AIG1: variants seen among roughly 807,000 people sequenced by gnomAD.
The protein encoded by AIG1 is androgen-induced gene 1 protein.
A neutral mutation model predicts 31.4 loss-of-function variants in AIG1; 23 were observed. That is an observed-to-expected ratio of 0.73 (90% CI 0.53 to 1.04). AIG1 has a LOEUF of 1.04. Among genes scored for constraint, AIG1 ranks in the 50% least tolerant of loss-of-function variants. The probability of loss-of-function intolerance (pLI) is 0.00; values close to 1 mark genes in which losing one functional copy is unlikely to be tolerated. For synonymous variants in AIG1, 100 were observed against 110.5 expected, an observed-to-expected ratio of 0.90 and a Z score of 0.60; for missense variants, 274 against 295.0, an observed-to-expected ratio of 0.93 and a Z score of 0.52.
At chr6:143,222,038 G>C (rs1425058914) in intron 3 of AIG1, among the ~76,000 whole-genome samples, 1 of 152,178 alleles carries the variant, frequency 6.6e-6, no homozygotes, top group Non-Finnish European at 1.5e-5. Context: ...GCAGTTCCTC[G>C]ACTCCTGAGA....
At chr6:143,071,151 G>C (rs1051649904) in intron 1 of AIG1, among the ~76,000 whole-genome samples, 1 of 152,020 alleles carries the variant, frequency 6.6e-6, no homozygotes, top group Non-Finnish European at 1.5e-5. Context: ...TATGATTTTT[G>C]TCATTTCAAG....
intron 1 of AIG1, among the ~76,000 whole-genome samples, chr6:143,126,785 A>G (rs1172883412): frequency 6.6e-6 from 1 of 152,176 alleles, no homozygotes; most frequent in Non-Finnish European, 1.5e-5. Context: ...TGAATGTGCT[A>G]CTTTCATTTC....
At chr6:143,169,621 C>A (rs1001055760) in intron 3 of AIG1, among the ~76,000 whole-genome samples, 4 of 152,082 alleles carry the variant, frequency 2.6e-5, no homozygotes, top group Non-Finnish European at 2.9e-5. Context: ...CCTTCCCAAC[C>A]TCTAATAACC....
intron 1 of AIG1, among the ~76,000 whole-genome samples, chr6:143,073,170 T>C (rs899229716): frequency 6.6e-6 from 1 of 152,240 alleles, no homozygotes. Context: ...CTTAGCATCA[T>C]GTCCTCTAGG....
At chr6:143,219,643 T>G (rs918326272) in intron 3 of AIG1, among the ~76,000 whole-genome samples, 4 of 152,168 alleles carry the variant, frequency 2.6e-5, no homozygotes, top group Non-Finnish European at 5.9e-5. Context: ...AATCCCACCC[T>G]CTTAACTCTC....
chr6:143,294,462 G>T (rs559628761), intron 4 of AIG1, among the ~76,000 whole-genome samples: 6 of 152,288 alleles, frequency 3.9e-5, no homozygotes, highest in African/African-American at 1.2e-4. Flanking sequence ...TATGAACTGG[G>T]CCAAGTCACT....
intron 3 of AIG1, chr6:143,190,381 C>T (rs769821814): frequency 1.8e-4 from 178 of 985,196 alleles, no homozygotes; most frequent in Non-Finnish European, 2.1e-4. Context: ...CAGTGCTCAG[C>T]ACTGGCTTTC....
chr6:143,059,285 G>A (rs117443619), upstream of AIG1, among the ~76,000 whole-genome samples: 176 of 152,162 alleles, frequency 1.2e-3, no homozygotes, highest in Non-Finnish European at 1.9e-3. Flanking sequence ...CCTTGCTATC[G>A]CTCACTCTGG....
chr6:143,190,457 G>A, intron 3 of AIG1: 3 of 985,382 alleles, frequency 3.0e-6, no homozygotes, highest in South Asian at 4.7e-5. Context: ...GAAGTAGGGA[G>A]CTTATCATTA....
chr6:143,159,653 G>A (rs1197982366), intron 2 of AIG1, among the ~76,000 whole-genome samples: 1 of 152,196 alleles, frequency 6.6e-6, no homozygotes, highest in East Asian at 1.9e-4. Context: ...ATTTTAGAGA[G>A]CCCTAAGCTT....
At chr6:143,265,773 A>G (rs1360969843) in intron 3 of AIG1, among the ~76,000 whole-genome samples, 2 of 152,174 alleles carry the variant, frequency 1.3e-5, no homozygotes, top group Non-Finnish European at 2.9e-5. Context: ...AAGTGACAAA[A>G]AGTAACCTGG....
chr6:143,310,515 A>G (rs571005590), intron 4 of AIG1, among the ~76,000 whole-genome samples: 46 of 151,942 alleles, frequency 3.0e-4, no homozygotes, highest in African/African-American at 9.4e-4. Context: ...GGTTAATTTA[A>G]CATTAAATGC....
chr6:143,238,066 G>A (rs566544718), intron 3 of AIG1, among the ~76,000 whole-genome samples: 1 of 152,150 alleles, frequency 6.6e-6, no homozygotes, highest in Non-Finnish European at 1.5e-5. Context: ...TCAGCCTCCC[G>A]AGTAACTGGG....
chr6:143,293,217 G>A lies in AIG1; in HGVS notation c.515+8992G>A, dbSNP rs571593342. On this transcript the variant is annotated intron_variant, in intron 4 of 5. Transcript: ENST00000357847. This position sits in a 1 kb window ranked among gnomAD's most constrained non-coding sequence, Gnocchi z 4.8. ...CTTTTTTTCTCTCTCTCTCTTCCCC[G>A]CCACCCTTATTTTATTTTCATTTTA... is the stretch of plus-strand genomic sequence containing the variant. Among the ~76,000 whole-genome samples, 54 of 151,894 alleles carry A rather than the reference G, an allele frequency of 3.6e-4. No individual in the cohort carries two copies. The highest frequency in any genetic ancestry group is 1.0e-3 in the African/African-American group (43 of 41,372).
At chr6:143,126,559 A>G (rs1341300693) in intron 1 of AIG1, among the ~76,000 whole-genome samples, 1 of 152,226 alleles carries the variant, frequency 6.6e-6, no homozygotes, top group Non-Finnish European at 1.5e-5. Context: ...GGTGTTTTAT[A>G]GAACTGCTAT....
At chr6:143,314,396 T>C (rs1233643447) in intron 4 of AIG1, among the ~76,000 whole-genome samples, 1 of 151,870 alleles carries the variant, frequency 6.6e-6, no homozygotes, top group Non-Finnish European at 1.5e-5. Context: ...ACTGTCTTTA[T>C]TTATATAGAT....
At chr6:143,239,500 A>G (rs947091651) in intron 3 of AIG1, among the ~76,000 whole-genome samples, 1 of 152,214 alleles carries the variant, frequency 6.6e-6, no homozygotes, top group Non-Finnish European at 1.5e-5. Flanking sequence ...CTGAGGCGCC[A>G]CCACTGGCTG....
At chr6:143,342,197 A>G, downstream of AIG1, 1 of 637,666 alleles carries the variant, frequency 1.6e-6, no homozygotes, top group Non-Finnish European at 2.9e-6. Context: ...TACTGGGATT[A>G]CAGGCGTGAG....
intron 2 of AIG1, among the ~76,000 whole-genome samples, chr6:143,141,784 A>C (rs770884895): frequency 1.1e-4 from 17 of 152,206 alleles, no homozygotes; most frequent in Non-Finnish European, 1.6e-4. Flanking sequence ...GTTTATTAGC[A>C]GCAATCAGAC....
Sources: gnomAD v4.1 joint callset for allele counts (sites outside exome capture counted in the v4.1 genomes callset) on GRCh38, gnomAD v4.1.1 for gene constraint, Gnocchi (gnomAD v3.1) non-coding constraint, MANE v1.5 for transcripts, NCBI Gene and HGNC (gene_info 2026-07-23, HGNC 2026-07-21) for gene names.